The following CAPN14 variants were observed in gnomAD, a reference collection of about 807,000 sequenced individuals.
CAPN14 encodes the protein calpain 14.
Under a neutral mutation model 101.3 loss-of-function variants are expected in CAPN14, and 94 were observed. The ratio of observed to expected loss-of-function variants is 0.93; its 90% CI spans 0.79 to 1.10. The LOEUF is 1.10. CAPN14 is among the 50% of genes least tolerant of loss of function. The pLI is 0.00. For synonymous variants in CAPN14, 338 were observed against 317.9 expected (o/e 1.06, Z -0.67); for missense variants, 837 against 828.4 (o/e 1.01, Z -0.13).
At position 31,202,868 on chromosome 2, in the gene CAPN14, A is replaced by C. The variant is rs528262544; in HGVS notation, c.295+202T>G. 6.6e-5 allele frequency among the ~76,000 whole-genome samples: 10 copies of C among 152,324 alleles called. No individual in the cohort carries two copies. In the East Asian group the frequency reaches 1.9e-3, roughly 29 times the overall value. On this transcript the variant is annotated intron_variant, in intron 3 of 21. Transcript: ENST00000403897. ...GACTTAGGCAGGGTATGGCATTCCC[A>C]CGCATCCCCAGAGGACCAGTTTTTA...
chr2:31,181,545 A>C, intron 16 of CAPN14, among the ~76,000 whole-genome samples: 2 of 118,238 alleles, frequency 1.7e-5, no homozygotes, highest in African/African-American at 3.4e-5. Flanking sequence ...ATTATACCTT[A>C]AGTTTTAGGG....
chr2:31,208,767 G>C (rs1682238580), intron 1 of CAPN14, among the ~76,000 whole-genome samples: 4 of 152,276 alleles, frequency 2.6e-5, no homozygotes, highest in African/African-American at 7.2e-5. Flanking sequence ...GGTCACATTT[G>C]GAAATTCATT....
chr2:31,188,066 T>C (rs754811491), intron 14 of CAPN14, among the ~76,000 whole-genome samples: 9 of 152,336 alleles, frequency 5.9e-5, no homozygotes, highest in Middle Eastern at 3.4e-3. Context: ...TGTAGAGATG[T>C]AGCTCATACT....
intron 11 of CAPN14, 82 bp downstream of exon 11, chr2:31,191,853 A>C: frequency 7.6e-7 from 1 of 1,310,144 alleles, no homozygotes; most frequent in South Asian, 1.5e-5. Flanking sequence ...ATGGTGAAGA[A>C]GACAGGAAAC....
chr2:31,199,991 G>A (rs1044690663), intron 6 of CAPN14, among the ~76,000 whole-genome samples: 1 of 152,086 alleles, frequency 6.6e-6, no homozygotes, highest in African/African-American at 2.4e-5. Context: ...CCCCAACACT[G>A]CTGCTCTGGT....
chr2:31,192,781 T>C (rs1034681930), intron 10 of CAPN14, among the ~76,000 whole-genome samples: 1 of 152,164 alleles, frequency 6.6e-6, no homozygotes, highest in African/African-American at 2.4e-5. Context: ...CTTCAGTGTT[T>C]TCAGTGGTCT....
chr2:31,191,796 A>C, intron 11 of CAPN14, 139 bp downstream of exon 11: 1 of 789,044 alleles, frequency 1.3e-6, no homozygotes, highest in Non-Finnish European at 2.0e-6. Context: ...CATGTTCCTA[A>C]AGGACAGAGC....
At position 31,206,039 on chromosome 2, in the gene CAPN14, T is replaced by A. The variant is rs1228105378; in HGVS notation, c.-52-540A>T. ...TATCTTTATTTTTTTTATTTATTTATTTTTTTTTTTTGAGACAGAGTCTCA... is the reference window on the plus strand; with the variant it reads ...TATCTTTATTTTTTTTATTTATTTAATTTTTTTTTTTGAGACAGAGTCTCA... On this transcript the variant is annotated intron_variant, in intron 1 of 21. Transcript: ENST00000403897. Among the ~76,000 whole-genome samples, 3 of 90,572 alleles carry A rather than the reference T, an allele frequency of 3.3e-5. 1 individual carries two copies. Among genetic ancestry groups the A allele is most frequent in the South Asian group, 7.7e-4 (2 of 2,602 alleles). 59.4% of individuals were successfully genotyped at this position (90,572 alleles called of 152,430 possible).
chr2:31,173,759 A>G lies in CAPN14; in HGVS notation c.*922T>C, dbSNP rs1029856883. ...TATGAATAAATTGCATAGACTTTGG[A>G]AAAAGGCCATTGTTCTGGTTTTGCA... On this transcript the variant is annotated 3_prime_UTR_variant, in exon 22 of 22. Coordinates refer to ENST00000403897, the MANE Select transcript of CAPN14 (RefSeq NM_001145122.2). 1 of 152,180 alleles carries G rather than the reference A, an allele frequency of 6.6e-6. No individual in the cohort carries two copies. Among genetic ancestry groups the G allele is most frequent in the African/African-American group, 2.4e-5 (1 of 41,452 alleles). The allele number at this position is 152,180 out of a possible 1,614,324, so 9.4% of individuals were successfully genotyped here.
chr2:31,177,693 G>T, intron 19 of CAPN14, 53 bp downstream of exon 19: 1 of 1,302,328 alleles, frequency 7.7e-7, no homozygotes, highest in Non-Finnish European at 1.1e-6. Flanking sequence ...TCTGCCTGAT[G>T]AGTGTGCACC....
intron 20 of CAPN14, 80 bp from the exon 21 acceptor site, chr2:31,176,722 C>T: frequency 1.6e-6 from 2 of 1,279,782 alleles, no homozygotes; most frequent in Non-Finnish European, 2.2e-6. Flanking sequence ...ATATGTCTCA[C>T]CTTAACCACA....
intron 1 of CAPN14, among the ~76,000 whole-genome samples, chr2:31,210,290 A>G (rs1470876719): frequency 6.6e-6 from 1 of 151,738 alleles, no homozygotes; most frequent in Non-Finnish European, 1.5e-5. Context: ...AAAAATGCAA[A>G]AAAAAAAATT....
chr2:31,214,425 G>C (rs779707824), intron 1 of CAPN14, among the ~76,000 whole-genome samples: 4 of 152,138 alleles, frequency 2.6e-5, no homozygotes, highest in Admixed American at 1.3e-4. Context: ...GCTTGCCTTA[G>C]GGCTCCTTTC....
chr2:31,222,406 T>G (rs10204574), upstream of CAPN14, among the ~76,000 whole-genome samples: 58,687 of 152,002 alleles, frequency 0.39, 12,567 homozygotes, highest in South Asian at 0.51. Context: ...AGAAAGAGCT[T>G]ACGTTTGGAG....
At chr2:31,178,646 G>C (rs546260561) in intron 17 of CAPN14, 67 bp from the exon 18 acceptor site, 2 of 1,067,764 alleles carry the variant, frequency 1.9e-6, no homozygotes, top group East Asian at 2.8e-5. Flanking sequence ...GCAGTGATCA[G>C]CCCTCCACAA....
At chr2:31,228,561 T>C (rs901446935) in intron 1 of CAPN14, among the ~76,000 whole-genome samples, 5 of 152,224 alleles carry the variant, frequency 3.3e-5, no homozygotes, top group Non-Finnish European at 5.9e-5. Flanking sequence ...CACTAACTTA[T>C]TAGGTGCCAG....
In CAPN14 at chr2:31,177,066, G is replaced by A; in HGVS notation, c.1932C>T (p.Val644=). Residue 644 remains valine, a synonymous_variant, in exon 20 of 22, where the codon GTC becomes GTT. Coordinates refer to ENST00000403897, the MANE Select transcript of CAPN14 (RefSeq NM_001145122.2). ...CACGCAGCATCAAGTGGATGAAACT[G>A]ACAAAGTCCATCTGGAGGCGGGGGC... is the stretch of plus-strand genomic sequence containing the variant. The part of the protein sequence containing the change: ...YGGPRLQMDF[V]SFIHLMLRVE... 1.3e-6 allele frequency: 2 copies of A among 1,551,498 alleles called. No homozygotes were observed. Among genetic ancestry groups the A allele is most frequent in the Non-Finnish European group, 1.7e-6 (2 of 1,146,882 alleles).
At chr2:31,191,431 A>C in intron 11 of CAPN14, 24 bp from the exon 12 acceptor site, 2 of 708,238 alleles carry the variant, frequency 2.8e-6, no homozygotes, top group Non-Finnish European at 3.9e-6. Flanking sequence ...ACAAAAACAG[A>C]AAAAAAAAAA....
intron 1 of CAPN14, among the ~76,000 whole-genome samples, chr2:31,209,754 G>C (rs189778597): frequency 6.6e-6 from 1 of 152,168 alleles, no homozygotes; most frequent in Non-Finnish European, 1.5e-5. Context: ...ACAGGAGCCA[G>C]CTGTGCACAT....
Sources: allele counts gnomAD v4.1 joint callset (sites outside exome capture counted in the v4.1 genomes callset), GRCh38; gene constraint gnomAD v4.1.1; transcripts MANE v1.5; gene names NCBI Gene and HGNC (gene_info 2026-07-23, HGNC 2026-07-21).